The following HERC4 variants were observed in gnomAD, a reference collection of about 807,000 sequenced individuals.
HERC4 encodes the protein HECT and RLD domain containing E3 ubiquitin protein ligase 4, also known as probable E3 ubiquitin-protein ligase HERC4.
HERC4 carries 28 observed loss-of-function variants against 124.3 expected under a neutral mutation model. That is an observed-to-expected ratio of 0.23 (90% CI 0.17 to 0.31). HERC4 has a LOEUF of 0.31. Among genes scored for constraint, HERC4 ranks in the 10% least tolerant of loss-of-function variants. The pLI is 1.00. For synonymous variants in HERC4, 407 were observed against 421.5 expected, an observed-to-expected ratio of 0.97 and a Z score of 0.42; for missense variants, 713 against 1,229.3, an observed-to-expected ratio of 0.58 and a Z score of 6.28.
intron 3 of HERC4, among the ~76,000 whole-genome samples, chr10:68,050,433 T>C (rs1215403956): frequency 2.6e-5 from 4 of 152,202 alleles, no homozygotes; most frequent in Admixed American, 2.0e-4. Flanking sequence ...AAACCATTGT[T>C]TTCATTTTAA....
intron 3 of HERC4, among the ~76,000 whole-genome samples, chr10:68,057,482 T>A (rs1413275771): frequency 6.6e-6 from 1 of 151,568 alleles, no homozygotes; most frequent in East Asian, 2.0e-4. Context: ...AAATTAGCCG[T>A]GCGTGGTGGC....
chr10:67,950,018 A>G (rs2033679323), intron 19 of HERC4, among the ~76,000 whole-genome samples: 1 of 152,098 alleles, frequency 6.6e-6, no homozygotes, highest in African/African-American at 2.4e-5. Context: ...GACTCCATCA[A>G]TCAAAAAAAC....
chr10:67,957,832 G>A (rs2034245711), intron 16 of HERC4, among the ~76,000 whole-genome samples: 1 of 151,948 alleles, frequency 6.6e-6, no homozygotes, highest in Non-Finnish European at 1.5e-5. Flanking sequence ...CCCCCATACA[G>A]AGTCTTGCAC....
At chr10:68,056,104 T>C (rs879557076) in intron 3 of HERC4, among the ~76,000 whole-genome samples, 1 of 152,110 alleles carries the variant, frequency 6.6e-6, no homozygotes, top group Admixed American at 6.5e-5. Context: ...ATTAGTTGCT[T>C]TGAAGAGGAA....
intron 3 of HERC4, among the ~76,000 whole-genome samples, chr10:68,063,334 C>T (rs773998868): frequency 1.1e-4 from 17 of 152,006 alleles, no homozygotes; most frequent in Non-Finnish European, 1.9e-4. Context: ...CTCAGCCTCC[C>T]GAGTAGCTGA....
intron 7 of HERC4, among the ~76,000 whole-genome samples, chr10:68,030,388 C>G (rs1193259067): frequency 6.6e-6 from 1 of 152,046 alleles, no homozygotes; most frequent in Non-Finnish European, 1.5e-5. Context: ...TTGCAGTGAG[C>G]CAAGATCACA....
At chr10:67,959,175 G>T in intron 16 of HERC4, 1 of 1,554,184 alleles carries the variant, frequency 6.4e-7, no homozygotes, top group South Asian at 1.2e-5. Flanking sequence ...AACGAGGAAA[G>T]AGCAATATTA....
chr10:68,074,672 G>C (rs1316825353), intron 1 of HERC4: 1 of 152,332 alleles, frequency 6.6e-6, no homozygotes, highest in Non-Finnish European at 1.5e-5. Context: ...CCAAGCAGAC[G>C]ACTACCGCAA....
chr10:68,010,362 G>A, intron 9 of HERC4: 2 of 943,040 alleles, frequency 2.1e-6, no homozygotes, highest in South Asian at 1.4e-5. Flanking sequence ...CATAGGAAAG[G>A]ACACTGGTGC....
At chr10:68,067,168 G>C (rs1374489766) in intron 3 of HERC4, 1 of 152,572 alleles carries the variant, frequency 6.6e-6, no homozygotes, top group Non-Finnish European at 1.5e-5. Context: ...ATTTTGAAAG[G>C]AACCATGAGT....
chr10:67,923,216 C>A, intron 24 of HERC4, 77 bp from the exon 25 acceptor site: 1 of 1,075,456 alleles, frequency 9.3e-7, no homozygotes, highest in South Asian at 1.4e-5. Context: ...GGTACAGTCG[C>A]TACAGCAGAG....
chr10:68,041,611 T>G (rs565572600), intron 4 of HERC4, among the ~76,000 whole-genome samples: 65 of 152,304 alleles, frequency 4.3e-4, no homozygotes, highest in African/African-American at 1.5e-3. Flanking sequence ...TTTTAATGTA[T>G]ATGTCCAAGA....
At chr10:67,938,563 T>C (rs2032588586) in intron 21 of HERC4, among the ~76,000 whole-genome samples, 1 of 152,204 alleles carries the variant, frequency 6.6e-6, no homozygotes, top group Admixed American at 6.5e-5. Flanking sequence ...GTAATACTTA[T>C]GGATTTTCTC....
At chr10:67,923,168 C>T (rs760993563) in intron 24 of HERC4, 29 bp from the exon 25 acceptor site, 9 of 1,545,692 alleles carry the variant, frequency 5.8e-6, no homozygotes, top group Non-Finnish European at 8.0e-6. Flanking sequence ...TTCAGTCAAC[C>T]ACTTCAAAAC....
intron 7 of HERC4, among the ~76,000 whole-genome samples, chr10:68,028,663 C>A (rs946131900): frequency 6.6e-6 from 1 of 152,020 alleles, no homozygotes; most frequent in Non-Finnish European, 1.5e-5. Flanking sequence ...AAAACAAAAA[C>A]AAAACAAAAA....
intron 4 of HERC4, chr10:68,039,268 A>G: frequency 9.5e-7 from 1 of 1,058,132 alleles, no homozygotes; most frequent in Admixed American, 3.0e-5. Flanking sequence ...GTGAGCCAAG[A>G]TCACACCATC....
chr10:68,010,576 T>G (rs1408738704), intron 9 of HERC4: 1 of 1,128,766 alleles, frequency 8.9e-7, no homozygotes, highest in East Asian at 2.5e-5. Context: ...TCAATACTGG[T>G]TCGCTTTCTC....
Position 68,050,178 on chromosome 10 carries a change from G to A in HERC4, c.227-5615C>T, listed in dbSNP as rs149576013. ...CTGCACTCCAGCCTGGGCAACCAAA[G>A]TGAGACCCTTTCTCAAAAACAAAAA... On this transcript the variant is annotated intron_variant, in intron 3 of 24. Coordinates refer to ENST00000373700, the MANE Select transcript of HERC4 (RefSeq NM_015601.4). Among the ~76,000 whole-genome samples, 44 of 152,288 alleles carry A rather than the reference G, an allele frequency of 2.9e-4. No individual in the cohort carries two copies. The South Asian group carries it at 4.6e-3, about 16-fold the overall frequency.
Position 67,992,192 on chromosome 10 carries a change from T to G in HERC4, c.1271+7A>C, listed in dbSNP as rs1413509846. 1.2e-6 allele frequency: 2 copies of G among 1,612,918 alleles called. No individual in the cohort carries two copies. The highest frequency in any genetic ancestry group is 2.2e-5 in the South Asian group (2 of 91,008). ...CCACTGTGCCTGGCCCAAAATGCTT[T>G]TCTTACTTGGCTATCTCCACAGGAA... On this transcript the variant is annotated splice_region_variant and intron_variant, in intron 11 of 24. Coordinates refer to ENST00000373700, the MANE Select transcript of HERC4 (RefSeq NM_015601.4).
Sources: allele counts gnomAD v4.1 joint callset (sites outside exome capture counted in the v4.1 genomes callset), GRCh38; gene constraint gnomAD v4.1.1; transcripts MANE v1.5; gene names NCBI Gene and HGNC (gene_info 2026-07-23, HGNC 2026-07-21).